The following QTMAN variants were observed in gnomAD, a reference collection of about 807,000 sequenced individuals.
QTMAN encodes tRNA-queuosine alpha-mannosyltransferase.
chr2:143,961,583 C>G, the QTMAN span, among the ~76,000 whole-genome samples: 1 of 152,098 alleles, frequency 6.6e-6, no homozygotes, highest in African/African-American at 2.4e-5. Flanking sequence ...AATGACAGAG[C>G]ATTTTCCCTC....
chr2:144,210,805 A>G, the QTMAN span: 1 of 152,212 alleles, frequency 6.6e-6, no homozygotes, highest in African/African-American at 2.4e-5. Flanking sequence ...TAAGCAGTTT[A>G]ACATTAATTT....
At chr2:144,143,456 A>G in the QTMAN span, among the ~76,000 whole-genome samples, 8 of 152,012 alleles carry the variant, frequency 5.3e-5, no homozygotes, top group African/African-American at 1.9e-4. Flanking sequence ...ATTTACTATT[A>G]CAATGTTAAT....
the QTMAN span, chr2:144,332,576 C>G: frequency 6.7e-6 from 1 of 149,266 alleles, no homozygotes; most frequent in African/African-American, 2.4e-5. Flanking sequence ...CCTCGGCCTC[C>G]GGGCGCGTCA....
the QTMAN span, among the ~76,000 whole-genome samples, chr2:144,180,583 T>C: frequency 6.6e-6 from 1 of 152,214 alleles, no homozygotes; most frequent in Non-Finnish European, 1.5e-5. Flanking sequence ...AATTTTTGTG[T>C]CAAATAATTA....
chr2:144,193,721 C>A, the QTMAN span, among the ~76,000 whole-genome samples: 3 of 152,092 alleles, frequency 2.0e-5, no homozygotes, highest in South Asian at 6.2e-4. Flanking sequence ...ACAACAGAGT[C>A]TTGCTATGTT....
At chr2:144,176,211 T>C in the QTMAN span, among the ~76,000 whole-genome samples, 4 of 152,138 alleles carry the variant, frequency 2.6e-5, no homozygotes, top group African/African-American at 9.7e-5. Flanking sequence ...TCATTATTAA[T>C]AAAACAATTT....
chr2:144,160,740 G>A, the QTMAN span, among the ~76,000 whole-genome samples: 4 of 152,124 alleles, frequency 2.6e-5, no homozygotes, highest in Admixed American at 6.6e-5. Flanking sequence ...GGTTAGAGGG[G>A]AGACAGCACC....
the QTMAN span, chr2:143,970,597 G>A: frequency 1.6e-5 from 14 of 898,048 alleles, no homozygotes; most frequent in Admixed American, 1.8e-5. Context: ...TAATACTTAC[G>A]TTGTAGAGCT....
chr2:143,964,644 T>C, the QTMAN span, among the ~76,000 whole-genome samples: 1 of 151,996 alleles, frequency 6.6e-6, no homozygotes, highest in Admixed American at 6.6e-5. Context: ...GGGAGCTGAG[T>C]GAAGGAGAAG....
At chr2:144,213,487 C>T in the QTMAN span, among the ~76,000 whole-genome samples, 1 of 152,024 alleles carries the variant, frequency 6.6e-6, no homozygotes, top group Non-Finnish European at 1.5e-5. Flanking sequence ...ATTTAGTTAC[C>T]TATAATATTC....
chr2:144,007,566 T>C, the QTMAN span: 7 of 1,423,872 alleles, frequency 4.9e-6, no homozygotes, highest in Non-Finnish European at 6.6e-6. Flanking sequence ...AATATACTTT[T>C]AGTGGAAAAA....
At chr2:143,958,365 G>A in the QTMAN span, among the ~76,000 whole-genome samples, 1 of 152,006 alleles carries the variant, frequency 6.6e-6, no homozygotes, top group African/African-American at 2.4e-5. Flanking sequence ...GCTTGGTCCT[G>A]GTTAATTTTA....
the QTMAN span, among the ~76,000 whole-genome samples, chr2:144,097,859 A>G: frequency 6.6e-6 from 1 of 151,972 alleles, no homozygotes; most frequent in East Asian, 1.9e-4. Context: ...TTTTCCTTCA[A>G]TTTCATCCAC....
At chr2:144,027,230 C>G in the QTMAN span, among the ~76,000 whole-genome samples, 6 of 152,084 alleles carry the variant, frequency 3.9e-5, no homozygotes, top group African/African-American at 1.4e-4. Context: ...ACAAGACAAG[C>G]AAAAGATATA....
chr2:144,061,606 C>T, the QTMAN span, among the ~76,000 whole-genome samples: 1 of 152,178 alleles, frequency 6.6e-6, no homozygotes, highest in Non-Finnish European at 1.5e-5. Flanking sequence ...GTTTTACCTT[C>T]ACTGTAAAGT....
At chr2:144,251,193 AC>A in the QTMAN span, among the ~76,000 whole-genome samples, 1 of 152,182 alleles carries the variant, frequency 6.6e-6, no homozygotes, top group Non-Finnish European at 1.5e-5. Flanking sequence ...TTTTTAAAAA[AC>A]ATCACATTAT....
the QTMAN span, among the ~76,000 whole-genome samples, chr2:144,102,453 T>C: frequency 2.6e-5 from 4 of 152,220 alleles, no homozygotes; most frequent in African/African-American, 9.6e-5. Context: ...CTTTTGACGT[T>C]TTACAGCTGA....
At chr2:144,155,111 G>A in the QTMAN span, among the ~76,000 whole-genome samples, 2 of 152,154 alleles carry the variant, frequency 1.3e-5, no homozygotes, top group African/African-American at 2.4e-5. Flanking sequence ...ACGATTCTAT[G>A]ATGTGTTATT....
At chr2:144,296,151 T>C in the QTMAN span, among the ~76,000 whole-genome samples, 10 of 152,186 alleles carry the variant, frequency 6.6e-5, no homozygotes, top group African/African-American at 2.2e-4. Context: ...CATCAGGTCA[T>C]ATAAACTATT....
Sources: allele counts gnomAD v4.1 joint callset (sites outside exome capture counted in the v4.1 genomes callset), GRCh38; gene constraint gnomAD v4.1.1; transcripts MANE v1.5; gene names NCBI Gene and HGNC (gene_info 2026-07-23, HGNC 2026-07-21).